Variants in LYPLAL1 observed in about 807,000 individuals in gnomAD.
The protein encoded by LYPLAL1 is lysophospholipase-like protein 1.
Under a neutral mutation model 19.7 loss-of-function variants are expected in LYPLAL1, and 23 were observed. The ratio of observed to expected loss-of-function variants is 1.17; its 90% CI spans 0.84 to 1.65. The LOEUF is 1.65. Ranked by LOEUF, LYPLAL1 falls within the 40% of genes most tolerant of loss-of-function variation. The pLI is 0.00. For missense variants in LYPLAL1, 355 were observed against 279.4 expected (o/e 1.27, Z -1.93); for synonymous variants, 119 against 96.3 (o/e 1.24, Z -1.38).
the LYPLAL1 span, among the ~76,000 whole-genome samples, chr1:219,422,819 A>T: frequency 1.3e-5 from 2 of 152,322 alleles, no homozygotes; most frequent in East Asian, 3.9e-4. Flanking sequence ...ACTTCTTAGG[A>T]TATGGAGTTA....
At chr1:219,223,706 C>T in the LYPLAL1 span, among the ~76,000 whole-genome samples, 1 of 151,976 alleles carries the variant, frequency 6.6e-6, no homozygotes, top group Non-Finnish European at 1.5e-5. Context: ...ATGTTTTTGC[C>T]AATAGTTTGG....
the LYPLAL1 span, among the ~76,000 whole-genome samples, chr1:219,356,892 G>A: frequency 6.6e-6 from 1 of 152,028 alleles, no homozygotes; most frequent in African/African-American, 2.4e-5. Flanking sequence ...TTGTCATTTG[G>A]AACATTTTGG....
chr1:219,315,705 C>T, the LYPLAL1 span, among the ~76,000 whole-genome samples: 1 of 152,142 alleles, frequency 6.6e-6, no homozygotes, highest in Non-Finnish European at 1.5e-5. Context: ...AGGATATGAA[C>T]TGTTGGGAGT....
downstream of LYPLAL1, among the ~76,000 whole-genome samples, chr1:219,215,215 G>A (rs557467855): frequency 2.0e-5 from 3 of 152,112 alleles, no homozygotes; most frequent in East Asian, 1.9e-4. Context: ...ATTTGTTTTC[G>A]AAAGGTGTTT....
the LYPLAL1 span, among the ~76,000 whole-genome samples, chr1:219,375,857 T>G: frequency 6.6e-6 from 1 of 151,808 alleles, no homozygotes; most frequent in Admixed American, 6.6e-5. Context: ...TTATCCTGCC[T>G]TAGCCTCCCG....
the LYPLAL1 span, among the ~76,000 whole-genome samples, chr1:219,439,128 A>G: frequency 4.3e-4 from 66 of 152,134 alleles, no homozygotes; most frequent in African/African-American, 1.5e-3. Context: ...ATTCCTACCT[A>G]TCCCCAGTCC....
the LYPLAL1 span, among the ~76,000 whole-genome samples, chr1:219,377,562 C>A: frequency 6.6e-6 from 1 of 151,866 alleles, no homozygotes; most frequent in Non-Finnish European, 1.5e-5. Flanking sequence ...CCCCCACATA[C>A]CTTTAGTTTA....
chr1:219,232,647 A>G, the LYPLAL1 span, among the ~76,000 whole-genome samples: 1 of 152,214 alleles, frequency 6.6e-6, no homozygotes, highest in Admixed American at 6.5e-5. Flanking sequence ...ATAAGAGATT[A>G]CAATCTGGAA....
At chr1:219,351,338 T>C in the LYPLAL1 span, among the ~76,000 whole-genome samples, 9 of 151,668 alleles carry the variant, frequency 5.9e-5, no homozygotes. Flanking sequence ...GGCCTAGGAG[T>C]ACAAGTGGTA....
chr1:219,179,097 C>A, intron 1 of LYPLAL1, 50 bp from the exon 2 acceptor site: 1 of 1,291,178 alleles, frequency 7.7e-7, no homozygotes. Context: ...CTTTGAAATG[C>A]ATTGTATTAC....
At chr1:219,362,660 C>A in the LYPLAL1 span, among the ~76,000 whole-genome samples, 1 of 151,958 alleles carries the variant, frequency 6.6e-6, no homozygotes, top group Admixed American at 6.6e-5. Flanking sequence ...TAGATTTGGA[C>A]CAAATGAAAG....
chr1:219,186,313 A>G (rs1049839673), intron 2 of LYPLAL1, among the ~76,000 whole-genome samples: 2 of 151,866 alleles, frequency 1.3e-5, no homozygotes, highest in African/African-American at 4.8e-5. Flanking sequence ...GTCACGTTCT[A>G]TAAATGTTAA....
At chr1:219,205,281 C>T (rs989425585) in intron 3 of LYPLAL1, among the ~76,000 whole-genome samples, 9 of 145,426 alleles carry the variant, frequency 6.2e-5, no homozygotes, top group South Asian at 2.2e-4. Context: ...GGCGTGAACC[C>T]GGGAAGCGGA....
chr1:219,284,018 A>G, the LYPLAL1 span, among the ~76,000 whole-genome samples: 2 of 152,280 alleles, frequency 1.3e-5, no homozygotes, highest in Non-Finnish European at 1.5e-5. Flanking sequence ...TGATTGAATC[A>G]TGGGGATGGT....
At chr1:219,414,598 G>A in the LYPLAL1 span, among the ~76,000 whole-genome samples, 1 of 152,052 alleles carries the variant, frequency 6.6e-6, no homozygotes, top group African/African-American at 2.4e-5. Context: ...TTCTCTTTTG[G>A]AACTACATTA....
the LYPLAL1 span, among the ~76,000 whole-genome samples, chr1:219,368,312 G>A: frequency 6.6e-6 from 1 of 152,168 alleles, no homozygotes; most frequent in Non-Finnish European, 1.5e-5. Flanking sequence ...GCACTACAAT[G>A]TGTAGAGACA....
At chr1:219,195,651 A>T (rs1350717928) in intron 3 of LYPLAL1, among the ~76,000 whole-genome samples, 3 of 152,024 alleles carry the variant, frequency 2.0e-5, no homozygotes, top group African/African-American at 4.8e-5. Context: ...ATTACATTTT[A>T]AAGAATCCTA....
At chr1:219,397,989 A>G in the LYPLAL1 span, among the ~76,000 whole-genome samples, 2 of 151,832 alleles carry the variant, frequency 1.3e-5, no homozygotes, top group Admixed American at 1.3e-4. Flanking sequence ...TCATATTTTT[A>G]CTTTTATTTT....
At chr1:219,258,968 A>T in the LYPLAL1 span, among the ~76,000 whole-genome samples, 1 of 152,106 alleles carries the variant, frequency 6.6e-6, no homozygotes, top group Admixed American at 6.6e-5. Context: ...ACATGAACAA[A>T]CAATTCTCAA....
Sources: gnomAD v4.1 joint callset for allele counts (sites outside exome capture counted in the v4.1 genomes callset) on GRCh38, gnomAD v4.1.1 for gene constraint, MANE v1.5 for transcripts, NCBI Gene and HGNC (gene_info 2026-07-23, HGNC 2026-07-21) for gene names.